Variants in MAP2K6 observed in about 807,000 individuals in gnomAD.
MAP2K6 encodes mitogen-activated protein kinase kinase 6.
In MAP2K6, 16 loss-of-function variants were observed where a neutral mutation model predicts 53.7. That is an observed-to-expected ratio of 0.30 (90% CI 0.20 to 0.45). The LOEUF is 0.45. Among genes scored for constraint, MAP2K6 ranks in the 20% least tolerant of loss-of-function variants. MAP2K6 has a pLI of 1.00. For synonymous variants in MAP2K6, 132 were observed against 143.1 expected (o/e 0.92, Z 0.55); for missense variants, 204 against 411.9 (o/e 0.50, Z 4.37).
At chr17:69,435,674 A>AT (rs1391736988) in intron 1 of MAP2K6, 3 of 151,650 alleles carry the variant, frequency 2.0e-5, no homozygotes, top group Non-Finnish European at 4.4e-5. Context: ...TAAAAAAAAA[A>AT]TTTTCTTTTC....
chr17:69,431,756 G>A (rs1906468176), intron 1 of MAP2K6, among the ~76,000 whole-genome samples: 1 of 152,090 alleles, frequency 6.6e-6, no homozygotes, highest in African/African-American at 2.4e-5. Context: ...TGTGGACCAG[G>A]CTTTTTGCTC....
intron 1 of MAP2K6, among the ~76,000 whole-genome samples, chr17:69,459,714 A>C (rs999009691): frequency 6.7e-6 from 1 of 149,688 alleles, no homozygotes; most frequent in African/African-American, 2.4e-5. Context: ...TGTCTCAAAA[A>C]AAAAAAAAAA....
At position 69,425,159 on chromosome 17, in the gene MAP2K6, T is replaced by C. The variant is rs1906227765; in HGVS notation, c.16+10159T>C. ...TTCTTCCTGGTTGTTTCTATGTAAA[T>C]GTAACAATTTCCTTGAAATGATGAA... On this transcript the variant is annotated intron_variant, in intron 1 of 11. Transcript: ENST00000590474. Among the ~76,000 whole-genome samples the C allele has an allele frequency of 5.3e-5, 8 of 152,312 alleles. 1 individual carries two copies. The South Asian group carries it at 1.4e-3, about 28-fold the overall frequency.
intron 1 of MAP2K6, among the ~76,000 whole-genome samples, chr17:69,440,962 A>G (rs1161929681): frequency 6.6e-6 from 1 of 152,138 alleles, no homozygotes; most frequent in African/African-American, 2.4e-5. Flanking sequence ...GCATGAATCC[A>G]TAGGGGCACA....
At chr17:69,446,092 T>G (rs898867898) in intron 1 of MAP2K6, among the ~76,000 whole-genome samples, 4 of 152,236 alleles carry the variant, frequency 2.6e-5, no homozygotes, top group African/African-American at 9.6e-5. Context: ...ATAAAGGTAT[T>G]TTGGGTATGC....
chr17:69,533,731 G>GTTTTTTTTTTTT (rs199915836), intron 10 of MAP2K6, among the ~76,000 whole-genome samples: 1 of 114,986 alleles, frequency 8.7e-6, no homozygotes, highest in Non-Finnish European at 1.8e-5. Context: ...CTTCTAGCCT[G>GTTTTTTTTTTTT]TTTGTTTTTT....
At chr17:69,466,320 T>TA (rs1443470724) in intron 1 of MAP2K6, among the ~76,000 whole-genome samples, 3 of 149,466 alleles carry the variant, frequency 2.0e-5, no homozygotes, top group Non-Finnish European at 4.5e-5. Flanking sequence ...AAAAAAGAAA[T>TA]ATATAGACCT....
At chr17:69,483,320 T>G (rs1204684421) in intron 1 of MAP2K6, among the ~76,000 whole-genome samples, 2 of 152,070 alleles carry the variant, frequency 1.3e-5, no homozygotes, top group African/African-American at 4.8e-5. Context: ...ATGATCAATT[T>G]GTAAATAAAA....
intron 1 of MAP2K6, among the ~76,000 whole-genome samples, chr17:69,444,360 T>G (rs1315148620): frequency 2.6e-5 from 4 of 152,136 alleles, no homozygotes; most frequent in African/African-American, 7.2e-5. Flanking sequence ...TCTGGGTCAA[T>G]GAGTTTTTTG....
intron 2 of MAP2K6, among the ~76,000 whole-genome samples, chr17:69,512,339 GT>G (rs746993199): frequency 2.4e-4 from 20 of 82,132 alleles, no homozygotes; most frequent in South Asian, 1.4e-3. Flanking sequence ...TTTTTTTTTT[GT>G]TTTTTTTTTT....
intron 1 of MAP2K6, among the ~76,000 whole-genome samples, chr17:69,420,510 TGC>T (rs1002592484): frequency 6.6e-6 from 1 of 152,236 alleles, no homozygotes; most frequent in Non-Finnish European, 1.5e-5. Flanking sequence ...CCTTAATAAA[TGC>T]GCCTATTTAT....
intron 1 of MAP2K6, among the ~76,000 whole-genome samples, chr17:69,471,119 AG>A (rs886763539): frequency 1.1e-4 from 17 of 152,244 alleles, no homozygotes; most frequent in Non-Finnish European, 2.9e-5. Flanking sequence ...AAAATAGGGT[AG>A]GAAAAAAATG....
chr17:69,521,825 A>AC (rs920079553), intron 7 of MAP2K6: 6 of 150,936 alleles, frequency 4.0e-5, no homozygotes, highest in Non-Finnish European at 7.4e-5. Flanking sequence ...AAAAAAAAAA[A>AC]AAAAAAAACC....
At chr17:69,491,263 C>T (rs1397348083) in intron 1 of MAP2K6, among the ~76,000 whole-genome samples, 2 of 152,140 alleles carry the variant, frequency 1.3e-5, no homozygotes, top group African/African-American at 4.8e-5. Flanking sequence ...CCTGCCTCAG[C>T]CTCCTGAGTA....
Position 69,524,886 on chromosome 17 carries a change from C to A in MAP2K6, c.664-15C>A. 6.2e-7 allele frequency: 1 copy of A among 1,600,556 alleles called. No homozygotes were observed. The highest frequency in any genetic ancestry group is 2.2e-5 in the East Asian group (1 of 44,754). ...ATTGTCTTCCCAGTTTCTCAGTTGT[C>A]TGTCTTCTTTCCAGCCTGAAAGAAT... On this transcript the variant is annotated splice_polypyrimidine_tract_variant and intron_variant, in intron 8 of 11. Coordinates refer to ENST00000590474, the MANE Select transcript of MAP2K6 (RefSeq NM_002758.4).
chr17:69,486,835 A>G (rs1908557718), intron 1 of MAP2K6, among the ~76,000 whole-genome samples: 1 of 152,194 alleles, frequency 6.6e-6, no homozygotes. Flanking sequence ...TGGTGACCTT[A>G]TCTGTAAAGC....
chr17:69,457,959 C>A (rs1307798665), intron 1 of MAP2K6, among the ~76,000 whole-genome samples: 2 of 152,158 alleles, frequency 1.3e-5, no homozygotes, highest in Non-Finnish European at 2.9e-5. Context: ...AAATTATGGC[C>A]CATTACTACC....
chr17:69,417,913 T>C (rs1286693849), intron 1 of MAP2K6, among the ~76,000 whole-genome samples: 1 of 152,190 alleles, frequency 6.6e-6, no homozygotes, highest in Non-Finnish European at 1.5e-5. Context: ...TTAAAAAATA[T>C]TAGTTTATTT....
intron 11 of MAP2K6, among the ~76,000 whole-genome samples, chr17:69,536,681 C>T (rs1392813686): frequency 6.6e-6 from 1 of 152,186 alleles, no homozygotes; most frequent in Non-Finnish European, 1.5e-5. Flanking sequence ...ATTATACTCC[C>T]TCAGCATTCA....
Sources: gnomAD v4.1 joint callset for allele counts (sites outside exome capture counted in the v4.1 genomes callset) on GRCh38, gnomAD v4.1.1 for gene constraint, MANE v1.5 for transcripts, NCBI Gene and HGNC (gene_info 2026-07-23, HGNC 2026-07-21) for gene names.